The following GALNT14 variants were observed in gnomAD, a reference collection of about 807,000 sequenced individuals.
The protein encoded by GALNT14 is UDP-GalNAc:polypeptide N-acetylgalactosaminyltransferase 14.
Under a neutral mutation model 77.5 loss-of-function variants are expected in GALNT14, and 60 were observed. The observed-to-expected ratio is 0.77, with a 90% CI of 0.63 to 0.96. The LOEUF is 0.96. GALNT14 is among the 40% of genes least tolerant of loss of function. The probability of loss-of-function intolerance (pLI) is 0.00; values close to 1 mark genes in which losing one functional copy is unlikely to be tolerated. For missense variants in GALNT14, 710 were observed against 731.0 expected, an observed-to-expected ratio of 0.97 and a Z score of 0.33; for synonymous variants, 280 against 281.7, an observed-to-expected ratio of 0.99 and a Z score of 0.06.
chr2:30,916,435 G>C (rs1329765058), intron 13 of GALNT14, among the ~76,000 whole-genome samples: 1 of 152,218 alleles, frequency 6.6e-6, no homozygotes, highest in Non-Finnish European at 1.5e-5. Context: ...CAAAGCTGTA[G>C]CCATGGAAGG....
At chr2:30,990,700 C>T (rs1204331019) in intron 2 of GALNT14, among the ~76,000 whole-genome samples, 1 of 152,230 alleles carries the variant, frequency 6.6e-6, no homozygotes, top group Non-Finnish European at 1.5e-5. Flanking sequence ...GTCCCATGTG[C>T]TTGCCCTCAT....
intron 1 of GALNT14, among the ~76,000 whole-genome samples, chr2:31,064,355 G>C (rs1674799559): frequency 1.3e-5 from 2 of 152,188 alleles, no homozygotes; most frequent in Admixed American, 1.3e-4. Flanking sequence ...TAAAATATTA[G>C]ATCTAGAAAC....
intron 12 of GALNT14, 34 bp from the exon 13 acceptor site, chr2:30,924,297 A>T: frequency 6.2e-7 from 1 of 1,611,424 alleles, no homozygotes; most frequent in South Asian, 1.1e-5. Flanking sequence ...AGGAGAGTCC[A>T]CTGCTCATTG....
rs1481095838 is a variant in GALNT14 at position 30,989,625 on chromosome 2, T to C, written c.299+3213A>G. ...AGATATATAAAAATATATATTAGTA[T>C]ATATAAAAATATATATATTAGTATA... On this transcript the variant is annotated intron_variant, in intron 2 of 14. Coordinates refer to ENST00000349752, the MANE Select transcript of GALNT14 (RefSeq NM_024572.4). 2.3e-5 allele frequency among the ~76,000 whole-genome samples: 3 copies of C among 132,298 alleles called. No individual in the cohort carries two copies. In the East Asian group the frequency reaches 6.5e-4, roughly 29 times the overall value. The allele number at this position is 132,298 out of a possible 152,430, so 86.8% of individuals were successfully genotyped here.
At chr2:31,105,359 C>T (rs1677503497) in intron 1 of GALNT14, among the ~76,000 whole-genome samples, 1 of 152,128 alleles carries the variant, frequency 6.6e-6, no homozygotes, top group African/African-American at 2.4e-5. Flanking sequence ...AAGACAAGGT[C>T]TTTCAGGTTC....
intron 13 of GALNT14, among the ~76,000 whole-genome samples, chr2:30,914,963 G>A (rs1200745607): frequency 6.6e-6 from 1 of 152,198 alleles, no homozygotes; most frequent in African/African-American, 2.4e-5. Flanking sequence ...CCTGAGATCA[G>A]TACAAGGGAA....
chr2:31,082,313 C>T (rs1676196136), intron 1 of GALNT14, among the ~76,000 whole-genome samples: 1 of 152,236 alleles, frequency 6.6e-6, no homozygotes, highest in South Asian at 2.1e-4. Flanking sequence ...GACAGAAAGG[C>T]CAAGTCTCCA....
At chr2:31,035,604 C>A (rs1408454548) in intron 1 of GALNT14, among the ~76,000 whole-genome samples, 1 of 54,878 alleles carries the variant, frequency 1.8e-5, no homozygotes, top group Non-Finnish European at 3.7e-5. Flanking sequence ...TACATATACA[C>A]ACACACACAC....
intron 1 of GALNT14, among the ~76,000 whole-genome samples, chr2:31,049,647 A>G (rs1019910005): frequency 6.6e-6 from 1 of 152,210 alleles, no homozygotes; most frequent in African/African-American, 2.4e-5. Flanking sequence ...AGGGAAAAGC[A>G]GGAAGGGCCA....
At chr2:31,089,479 G>A (rs564514837) in intron 1 of GALNT14, among the ~76,000 whole-genome samples, 5 of 152,206 alleles carry the variant, frequency 3.3e-5, no homozygotes, top group East Asian at 3.9e-4. Context: ...AGCTGCTAAG[G>A]GGTTAGCCAG....
At chr2:31,124,745 A>C (rs1437310129) in intron 1 of GALNT14, among the ~76,000 whole-genome samples, 1 of 152,158 alleles carries the variant, frequency 6.6e-6, no homozygotes, top group African/African-American at 2.4e-5. Context: ...ACCTTAAATA[A>C]CCAGTATGAC....
chr2:30,917,404 G>A (rs551888505), intron 13 of GALNT14, among the ~76,000 whole-genome samples: 2 of 152,326 alleles, frequency 1.3e-5, no homozygotes, highest in Non-Finnish European at 1.5e-5. Context: ...AGGGTTAGAA[G>A]CCCTAGTCTC....
chr2:31,094,660 A>C (rs1676916267), intron 1 of GALNT14, among the ~76,000 whole-genome samples: 1 of 152,116 alleles, frequency 6.6e-6, no homozygotes, highest in Non-Finnish European at 1.5e-5. Flanking sequence ...TCCTCTCCCC[A>C]TTTTGCACAT....
At position 30,924,137 on chromosome 2, in the gene GALNT14, G is replaced by A. The variant is rs746031048; in HGVS notation, c.1362C>T (p.Gly454=). The change falls in exon 13 of 15, where the codon GGC becomes GGT. Residue 454 remains glycine, a synonymous_variant. Coordinates refer to ENST00000349752, the MANE Select transcript of GALNT14 (RefSeq NM_024572.4). ...ACTTTACCTGGGACTTTGCATCTTC[G>A]CCTTTGACCTTGGCACAGGGGCTCA... The part of the protein sequence containing the change: ...LKLSPCAKVK[G]EDAKSQVWAF... 5.3e-5 allele frequency: 86 copies of A among 1,614,198 alleles called. No homozygotes were observed. The highest frequency in any genetic ancestry group is 1.8e-4 in the East Asian group (8 of 44,890).
chr2:30,899,996 T>C, the GALNT14 span, among the ~76,000 whole-genome samples: 1 of 152,176 alleles, frequency 6.6e-6, no homozygotes, highest in African/African-American at 2.4e-5. Context: ...GCTAAGAGAA[T>C]GGATGGATTA....
At chr2:31,023,577 C>T (rs1236288963) in intron 1 of GALNT14, among the ~76,000 whole-genome samples, 1 of 152,114 alleles carries the variant, frequency 6.6e-6, no homozygotes, top group African/African-American at 2.4e-5. Context: ...TCTTGAGCCC[C>T]AACCCCATTA....
chr2:31,029,578 CACA>C (rs1040299545), intron 1 of GALNT14, among the ~76,000 whole-genome samples: 1 of 152,232 alleles, frequency 6.6e-6, no homozygotes, highest in African/African-American at 2.4e-5. Context: ...ACGCACAGGT[CACA>C]ACCTTTAAAA....
chr2:31,043,011 C>T (rs148069512), intron 1 of GALNT14, among the ~76,000 whole-genome samples: 1 of 152,186 alleles, frequency 6.6e-6, no homozygotes, highest in African/African-American at 2.4e-5. Flanking sequence ...TGGCCACGGT[C>T]ACCTGTCTCA....
At position 31,104,962 on chromosome 2, in the gene GALNT14, T is replaced by C. The variant is rs150515603; in HGVS notation, c.129+32996A>G. 5.3e-5 allele frequency among the ~76,000 whole-genome samples: 8 copies of C among 152,332 alleles called. No homozygotes were observed. In the East Asian group the frequency reaches 1.5e-3, roughly 29 times the overall value. The stretch of plus-strand genomic sequence containing the variant: ...ACTAATATTGTGCCAATATGCTATT[T>C]CTTATGAAACCTCCACCCACAGGAC... On this transcript the variant is annotated intron_variant, in intron 1 of 14. Transcript: ENST00000349752.
Sources: gnomAD v4.1 joint callset for allele counts (sites outside exome capture counted in the v4.1 genomes callset) on GRCh38, gnomAD v4.1.1 for gene constraint, MANE v1.5 for transcripts, NCBI Gene and HGNC (gene_info 2026-07-23, HGNC 2026-07-21) for gene names.